NR3C1: variants seen among roughly 807,000 people sequenced by gnomAD.
NR3C1 encodes the protein nuclear receptor subfamily 3 group C member 1.
Under a neutral mutation model 74.0 loss-of-function variants are expected in NR3C1, and 14 were observed. The ratio of observed to expected loss-of-function variants is 0.19; its 90% CI spans 0.12 to 0.30. The LOEUF (loss-of-function observed/expected upper bound fraction) is 0.30. Ranked by LOEUF, NR3C1 falls within the 10% of genes least tolerant of loss-of-function variation. NR3C1 has a pLI of 1.00. For missense variants in NR3C1, 695 were observed against 909.8 expected, an observed-to-expected ratio of 0.76 and a Z score of 3.04; for synonymous variants, 308 against 332.5, an observed-to-expected ratio of 0.93 and a Z score of 0.80.
intron 2 of NR3C1, among the ~76,000 whole-genome samples, chr5:143,389,653 A>G (rs1300150057): frequency 1.3e-5 from 2 of 152,250 alleles, no homozygotes; most frequent in Non-Finnish European, 2.9e-5. Flanking sequence ...ATACTGAATT[A>G]GAAATTACTT....
chr5:143,400,967 G>T, intron 1 of NR3C1, 115 bp from the exon 2 acceptor site: 1 of 801,294 alleles, frequency 1.2e-6, no homozygotes, highest in Non-Finnish European at 2.1e-6. Context: ...AGTTAACTCC[G>T]AATCAAATTC....
intron 2 of NR3C1, among the ~76,000 whole-genome samples, chr5:143,346,430 T>C (rs1043677723): frequency 6.6e-6 from 1 of 152,246 alleles, no homozygotes; most frequent in African/African-American, 2.4e-5. Context: ...CTATCTAGCC[T>C]TTTAACAAAG....
intron 1 of NR3C1, among the ~76,000 whole-genome samples, chr5:143,418,349 C>G (rs1477341846): frequency 6.6e-6 from 1 of 152,144 alleles, no homozygotes; most frequent in Non-Finnish European, 1.5e-5. Context: ...TTGGCTTTGT[C>G]CCCCTTTCTT....
chr5:143,399,283 C>G (rs892898884), intron 2 of NR3C1, among the ~76,000 whole-genome samples: 20 of 152,248 alleles, frequency 1.3e-4, no homozygotes, highest in African/African-American at 4.8e-4. Flanking sequence ...AATATAAGAA[C>G]ATATTCTAAA....
Position 143,400,219 on chromosome 5 carries a change from C to T in NR3C1, c.621G>A (p.Glu207=), listed in dbSNP as rs770007575. The T allele has an allele frequency of 2.5e-6, 4 of 1,605,740 alleles. No homozygotes were observed. The highest frequency in any genetic ancestry group is 3.4e-6 in the Non-Finnish European group (4 of 1,176,484). The part of the protein sequence containing the change: ...LEFSSGSPGK[E]TNESPWRSDL... ...CTGATCTCCAAGGACTCTCATTCGT[C>T]TCTTTACCTGGGGACCCAGAAGAAA... is the stretch of plus-strand genomic sequence containing the variant. The change falls in exon 2 of 9, where the codon GAG becomes GAA. Residue 207 remains glutamate, a synonymous_variant. Transcript: ENST00000394464.
intron 2 of NR3C1, among the ~76,000 whole-genome samples, chr5:143,363,186 C>A (rs1832593673): frequency 1.3e-5 from 2 of 152,132 alleles, no homozygotes; most frequent in Non-Finnish European, 2.9e-5. Flanking sequence ...TAGGTGACCA[C>A]TAAACTAACA....
Position 143,300,127 on chromosome 5 carries a change from T to C in NR3C1, c.1747+358A>G, listed in dbSNP as rs999407664. 6.6e-6 allele frequency among the ~76,000 whole-genome samples: 1 copy of C among 152,210 alleles called. No individual in the cohort carries two copies. Among genetic ancestry groups the C allele is most frequent in the African/African-American group, 2.4e-5 (1 of 41,460 alleles). On this transcript the variant is annotated intron_variant, in intron 5 of 8. Coordinates refer to ENST00000394464, the MANE Select transcript of NR3C1 (RefSeq NM_000176.3). The surrounding 1 kb of genome is among the most constrained non-coding windows in gnomAD (Gnocchi z 5.2). ...ATGTTTACCAATCTTACAAACAACC[T>C]GATTTTTAAAAGTGGCACAATGAAG...
At chr5:143,388,589 G>A (rs1837681576) in intron 2 of NR3C1, among the ~76,000 whole-genome samples, 1 of 152,156 alleles carries the variant, frequency 6.6e-6, no homozygotes, top group African/African-American at 2.4e-5. Context: ...CAAGAAGAAG[G>A]AAAGACTGTG....
chr5:143,324,098 T>C (rs1343277820), intron 2 of NR3C1, among the ~76,000 whole-genome samples: 2 of 152,182 alleles, frequency 1.3e-5, no homozygotes, highest in East Asian at 3.9e-4. Context: ...GGATCTACCA[T>C]TCTGGGGTCT....
exon 1 of NR3C1, chr5:143,434,958 C>CT (rs113797066): frequency 0.041 from 23,083 of 559,064 alleles, 45 homozygotes; most frequent in African/African-American, 0.057. Flanking sequence ...TCGGGTATAA[C>CT]TTTTTTTTTT....
At chr5:143,347,866 T>C (rs1247703516) in intron 2 of NR3C1, among the ~76,000 whole-genome samples, 7 of 152,366 alleles carry the variant, frequency 4.6e-5, no homozygotes, top group African/African-American at 9.6e-5. Context: ...TTAGCAAATA[T>C]AGCTCTCCAC....
In NR3C1 at chr5:143,356,688, CA is replaced by C. The variant is rs34911720; in HGVS notation, c.1185-42521del. Among the ~76,000 whole-genome samples the C allele has an allele frequency of 1.5e-3, 219 of 146,822 alleles. 3 individuals carry two copies. In the East Asian group the frequency reaches 0.022, roughly 15 times the overall value. On this transcript the variant is annotated intron_variant, in intron 2 of 8. Transcript: ENST00000394464. ...TCTGTTTCTCACAATTTGTATTTCT[CA>C]AAAAAAAAAACACACGCAAATGTTG... is the stretch of plus-strand genomic sequence containing the variant.
intron 7 of NR3C1, among the ~76,000 whole-genome samples, chr5:143,288,370 C>T (rs745998671): frequency 6.6e-6 from 1 of 152,106 alleles, no homozygotes; most frequent in Non-Finnish European, 1.5e-5. Context: ...CTGCCCACCT[C>T]GGCCTCCCAA....
intron 2 of NR3C1, among the ~76,000 whole-genome samples, chr5:143,343,068 C>G (rs1199090916): frequency 6.6e-6 from 1 of 152,164 alleles, no homozygotes; most frequent in Non-Finnish European, 1.5e-5. Context: ...TCTAAGTGAT[C>G]TGAAAGTCAC....
chr5:143,333,382 G>A, intron 2 of NR3C1: 1 of 622,508 alleles, frequency 1.6e-6, no homozygotes, highest in South Asian at 1.9e-5. Context: ...GGTACAAATA[G>A]ATGGAGACCT....
intron 2 of NR3C1, among the ~76,000 whole-genome samples, chr5:143,356,639 T>C (rs1297282110): frequency 1.3e-5 from 2 of 152,128 alleles, no homozygotes; most frequent in Non-Finnish European, 2.9e-5. Flanking sequence ...ATAGTGATAT[T>C]TCTGCTGCTG....
Position 143,427,516 on chromosome 5 carries a change from C to G in NR3C1, c.-14+7016G>C, listed in dbSNP as rs192137136. 3.3e-5 allele frequency among the ~76,000 whole-genome samples: 5 copies of G among 152,250 alleles called. No individual in the cohort carries two copies. The East Asian group carries it at 9.6e-4, about 29-fold the overall frequency. On this transcript the variant is annotated intron_variant, in intron 1 of 8. Transcript: ENST00000343796. ...TCAGCAGTGCCTCTTCCAGCACCAT[C>G]TAGGAAATTATAGGATTTGGGAATT...
intron 6 of NR3C1, among the ~76,000 whole-genome samples, chr5:143,296,293 A>G (rs539875884): frequency 6.6e-6 from 1 of 150,524 alleles, no homozygotes; most frequent in East Asian, 1.9e-4. Context: ...TTTTTTTTTA[A>G]GTTTCTGACA....
intron 2 of NR3C1, among the ~76,000 whole-genome samples, chr5:143,320,885 C>T (rs1823218438): frequency 6.6e-6 from 1 of 152,212 alleles, no homozygotes; most frequent in African/African-American, 2.4e-5. Flanking sequence ...ACTCCCTTCT[C>T]AGGCTGTGTG....
Sources: allele counts gnomAD v4.1 joint callset (sites outside exome capture counted in the v4.1 genomes callset), GRCh38; gene constraint gnomAD v4.1.1; non-coding constraint Gnocchi (gnomAD v3.1); transcripts MANE v1.5; gene names NCBI Gene and HGNC (gene_info 2026-07-23, HGNC 2026-07-21).